The following CRPPA variants were observed in gnomAD, a reference collection of about 807,000 sequenced individuals.
CRPPA encodes the protein D-ribitol-5-phosphate cytidylyltransferase.
A neutral mutation model predicts 52.0 loss-of-function variants in CRPPA; 43 were observed. The observed-to-expected ratio is 0.83, with a 90% confidence interval of 0.65 to 1.07. The LOEUF (loss-of-function observed/expected upper bound fraction) is 1.07, where lower values mean the gene tolerates loss of function less well. CRPPA is among the 50% of genes least tolerant of loss of function. The pLI, the probability that CRPPA is intolerant of heterozygous loss-of-function variation, is 0.00. For missense variants in CRPPA, 629 were observed against 551.7 expected, an observed-to-expected ratio of 1.14 and a Z score of -1.40; for synonymous variants, 250 against 203.5, an observed-to-expected ratio of 1.23 and a Z score of -1.94.
intron 9 of CRPPA, among the ~76,000 whole-genome samples, chr7:16,168,468 G>A (rs1269477014): frequency 4.6e-5 from 7 of 151,730 alleles, no homozygotes; most frequent in African/African-American, 1.7e-4. Flanking sequence ...TAGCATCAGT[G>A]TTTTCAGTCT....
At chr7:16,188,653 G>A (rs1019170894) in intron 9 of CRPPA, among the ~76,000 whole-genome samples, 7 of 152,046 alleles carry the variant, frequency 4.6e-5, no homozygotes, top group African/African-American at 1.7e-4. Flanking sequence ...ATAATATCAG[G>A]TTAACCTAGA....
chr7:16,375,998 C>A, intron 3 of CRPPA, 94 bp downstream of exon 3: 1 of 1,221,172 alleles, frequency 8.2e-7, no homozygotes, highest in Non-Finnish European at 1.1e-6. Flanking sequence ...TAACTATACG[C>A]TCAGTCCCAT....
intron 9 of CRPPA, among the ~76,000 whole-genome samples, chr7:16,122,783 A>T (rs1782503303): frequency 6.6e-6 from 1 of 152,058 alleles, no homozygotes; most frequent in Non-Finnish European, 1.5e-5. Context: ...GGGTGGGAGA[A>T]GTTTGTCTAA....
rs545410238 is a variant in CRPPA, at chr7:16,198,120, G to A, written c.1251+17946C>T. Among the ~76,000 whole-genome samples the A allele has an allele frequency of 3.2e-3, 226 of 71,436 alleles. 3 individuals are homozygous for A. Among genetic ancestry groups the A allele is most frequent in the African/African-American group, 0.01 (191 of 18,252 alleles). The allele number at this position is 71,436 out of a possible 152,430, so 46.9% of individuals were successfully genotyped here. ...CTCGTGGGAAGGGAAAGACCTGACC[G>A]TCCCCCAGCCCGACACCCGTAAAGG... is the stretch of plus-strand genomic sequence containing the variant. On this transcript the variant is annotated intron_variant, in intron 9 of 9. Transcript: ENST00000407010.
rs183589549 is a variant in CRPPA, at chr7:16,407,585, C to A, written c.258-1248G>T. Among the ~76,000 whole-genome samples the A allele has an allele frequency of 3.3e-3, 505 of 152,118 alleles. 12 individuals carry two copies. Among genetic ancestry groups the A allele is most frequent in the Admixed American group, 0.029 (448 of 15,296 alleles). On this transcript the variant is annotated intron_variant, in intron 1 of 9. Transcript: ENST00000407010. ...AAGATATGGAAGGGCCTGAAAATTA[C>A]TGCATAAAGATTACCTTTACTGAAA...
At chr7:16,187,816 G>A (rs893216059) in intron 9 of CRPPA, among the ~76,000 whole-genome samples, 1 of 152,026 alleles carries the variant, frequency 6.6e-6, no homozygotes, top group South Asian at 2.1e-4. Context: ...TGATGGGAAG[G>A]CAAATCTCCC....
In CRPPA at chr7:16,117,439, T is replaced by C. The variant is rs112319970; in HGVS notation, c.1252-25640A>G. Among the ~76,000 whole-genome samples the C allele has an allele frequency of 3.0e-3, 450 of 152,296 alleles. 2 individuals are homozygous for C. Among genetic ancestry groups the C allele is most frequent in the African/African-American group, 0.011 (438 of 41,574 alleles). On this transcript the variant is annotated intron_variant, in intron 9 of 9. Coordinates refer to ENST00000407010, the MANE Select transcript of CRPPA (RefSeq NM_001101426.4). ...CTTGTCTTCTGTTACAGAGGCTGAG[T>C]GAGGCAGGAGTTCTTTGGCCTCTAG...
intron 9 of CRPPA, among the ~76,000 whole-genome samples, chr7:16,192,698 T>A (rs1280266596): frequency 1.3e-5 from 2 of 152,174 alleles, no homozygotes; most frequent in Non-Finnish European, 1.5e-5. Flanking sequence ...TAGATTTGTT[T>A]AACCTCCATA....
chr7:16,376,103 C>T lies in CRPPA; in HGVS notation c.673G>A (p.Ala225Thr). ...QAFLFDVIYE[A>T]YQQCSDYDLE... ...GCCCAAATTCTTACCTGCTGATATG[C>T]TTCATAAATCACATCAAATAGAAAA... The change falls in exon 3 of 10, where the codon GCA becomes ACA. Residue 225 changes from alanine to threonine, a missense_variant. Physicochemically the swap from Ala to Thr is moderately conservative, Grantham distance 58. Coordinates refer to ENST00000407010, the MANE Select transcript of CRPPA (RefSeq NM_001101426.4). 1 of 1,591,612 alleles carries T rather than the reference C, an allele frequency of 6.3e-7. No individual in the cohort carries two copies. Among genetic ancestry groups the T allele is most frequent in the Non-Finnish European group, 8.6e-7 (1 of 1,169,324 alleles).
At chr7:16,133,781 A>T (rs1270161790) in intron 9 of CRPPA, among the ~76,000 whole-genome samples, 1 of 124,958 alleles carries the variant, frequency 8.0e-6, no homozygotes, top group Admixed American at 8.0e-5. Context: ...CTTGATATGT[A>T]CCACAGATTT....
chr7:16,340,641 C>T (rs1785800650), intron 3 of CRPPA, among the ~76,000 whole-genome samples: 1 of 148,372 alleles, frequency 6.7e-6, no homozygotes, highest in Non-Finnish European at 1.5e-5. Context: ...AAAACCAAAA[C>T]CTCTCATTGT....
chr7:16,206,545 G>T (rs1029488688), intron 9 of CRPPA, among the ~76,000 whole-genome samples: 3 of 151,714 alleles, frequency 2.0e-5, no homozygotes, highest in African/African-American at 7.3e-5. Flanking sequence ...AAAGTTTTGA[G>T]CCATAAGTAC....
chr7:16,278,070 T>C, intron 6 of CRPPA, 59 bp downstream of exon 6: 1 of 835,906 alleles, frequency 1.2e-6, no homozygotes, highest in South Asian at 1.5e-5. Flanking sequence ...AAAGATATCT[T>C]TATACTATAA....
intron 9 of CRPPA, among the ~76,000 whole-genome samples, chr7:16,130,550 C>T (rs1782661957): frequency 6.6e-6 from 1 of 152,088 alleles, no homozygotes; most frequent in Admixed American, 6.6e-5. Context: ...GGGCAAGAGT[C>T]AACTCTGTAA....
intron 9 of CRPPA, among the ~76,000 whole-genome samples, chr7:16,172,242 G>C (rs1487290181): frequency 6.6e-6 from 1 of 152,184 alleles, no homozygotes; most frequent in Non-Finnish European, 1.5e-5. Context: ...TACAAACTAA[G>C]GAGCTTGGTG....
intron 3 of CRPPA, among the ~76,000 whole-genome samples, chr7:16,328,069 A>G (rs994095308): frequency 1.3e-5 from 2 of 152,240 alleles, no homozygotes; most frequent in African/African-American, 4.8e-5. Flanking sequence ...TTTAAAATCT[A>G]CATATGTATT....
intron 9 of CRPPA, among the ~76,000 whole-genome samples, chr7:16,139,921 T>G (rs1027138184): frequency 6.6e-6 from 1 of 152,142 alleles, no homozygotes; most frequent in Non-Finnish European, 1.5e-5. Context: ...TGCAGAAAAG[T>G]ATCTTGTTTG....
At chr7:16,278,670 C>A (rs1264195387) in intron 5 of CRPPA, among the ~76,000 whole-genome samples, 1 of 152,200 alleles carries the variant, frequency 6.6e-6, no homozygotes, top group Non-Finnish European at 1.5e-5. Flanking sequence ...TGGTTAAGTA[C>A]ATTGTGTTCC....
At chr7:16,271,612 T>C (rs1784091321) in intron 6 of CRPPA, among the ~76,000 whole-genome samples, 1 of 152,180 alleles carries the variant, frequency 6.6e-6, no homozygotes, top group Non-Finnish European at 1.5e-5. Context: ...TCACATACTG[T>C]TACTTCTGGT....
Sources: gnomAD v4.1 joint callset for allele counts (sites outside exome capture counted in the v4.1 genomes callset) on GRCh38, gnomAD v4.1.1 for gene constraint, MANE v1.5 for transcripts, NCBI Gene and HGNC (gene_info 2026-07-23, HGNC 2026-07-21) for gene names.